SHISAL2A: variants seen among roughly 807,000 people sequenced by gnomAD.
SHISAL2A encodes shisa like 2A, also known as protein shisa-like-2A.
In SHISAL2A, 18 loss-of-function variants were observed where a neutral mutation model predicts 11.5. The ratio of observed to expected loss-of-function variants is 1.57; its 90% CI spans 1.08 to 2.33. SHISAL2A has a LOEUF of 2.33. Among genes scored for constraint, SHISAL2A ranks in the 30% most tolerant of loss-of-function variants. SHISAL2A has a pLI of 0.00. For missense variants in SHISAL2A, 261 were observed against 250.9 expected (o/e 1.04, Z -0.27); for synonymous variants, 94 against 99.6 (o/e 0.94, Z 0.34).
intron 4 of SHISAL2A, among the ~76,000 whole-genome samples, chr1:52,665,573 A>G (rs1174308282): frequency 6.6e-6 from 1 of 152,184 alleles, no homozygotes; most frequent in Non-Finnish European, 1.5e-5. Context: ...CATATTCATT[A>G]CACATTTTTC....
At chr1:52,651,381 C>T (rs929239588) in intron 2 of SHISAL2A, among the ~76,000 whole-genome samples, 6 of 151,484 alleles carry the variant, frequency 4.0e-5, no homozygotes, top group Non-Finnish European at 7.4e-5. Flanking sequence ...GGATTACAGG[C>T]CCCTGCCATC....
Position 52,642,871 on chromosome 1 carries a change from C to T in SHISAL2A, c.191C>T (p.Ala64Val). ...TGGTCTTCTCTTCCCAGCATTGGCG[C>T]TCTCATAGGCCTGTCCGTAGCAGCA... ...HSYMWWLSIG[A>V]LIGLSVAAVV... Residue 64 changes from alanine (A) to valine (V), a missense_variant, in exon 2 of 3, where the codon GCT becomes GTT. Coordinates refer to ENST00000517870, the MANE Select transcript of SHISAL2A (RefSeq NM_001042693.3). 1 of 1,609,376 alleles carries T rather than the reference C, an allele frequency of 6.2e-7. No individual in the cohort carries two copies. Among genetic ancestry groups the T allele is most frequent in the South Asian group, 1.1e-5 (1 of 90,896 alleles).
chr1:52,648,552 C>A (rs11578602), intron 2 of SHISAL2A, among the ~76,000 whole-genome samples: 11,911 of 152,152 alleles, frequency 0.078, 579 homozygotes, highest in Non-Finnish European at 0.11. Context: ...AAGGGGCATC[C>A]CTACAATGTG....
intron 2 of SHISAL2A, among the ~76,000 whole-genome samples, chr1:52,644,330 C>T (rs17374258): frequency 0.16 from 24,638 of 152,134 alleles, 2,035 homozygotes; most frequent in African/African-American, 0.18. Flanking sequence ...GTGTGTGGAC[C>T]GGACTGAGTG....
chr1:52,652,011 G>A (rs1052284525), intron 2 of SHISAL2A, among the ~76,000 whole-genome samples: 1 of 152,212 alleles, frequency 6.6e-6, no homozygotes, highest in Non-Finnish European at 1.5e-5. Context: ...TGTAACTCCT[G>A]GAAGCCCAAG....
intron 2 of SHISAL2A, among the ~76,000 whole-genome samples, chr1:52,643,889 AG>A (rs1691431361): frequency 1.4e-5 from 2 of 138,970 alleles, no homozygotes; most frequent in African/African-American, 5.1e-5. Context: ...AGAGAGAGAG[AG>A]AGAGGGAGGG....
chr1:52,664,516 C>T (rs935778310), intron 4 of SHISAL2A, among the ~76,000 whole-genome samples: 52 of 149,866 alleles, frequency 3.5e-4, no homozygotes, highest in African/African-American at 1.1e-3. Context: ...CCACCATGCC[C>T]GGCTAATTTT....
intron 1 of SHISAL2A, among the ~76,000 whole-genome samples, chr1:52,638,361 A>G (rs971875742): frequency 1.4e-5 from 2 of 144,558 alleles, no homozygotes; most frequent in African/African-American, 5.5e-5. Context: ...GCAAAGCACA[A>G]TTCTCCTAGA....
rs201777412 is a variant in SHISAL2A, at chr1:52,656,918, G to C, written c.451G>C (p.Ala151Pro). 29 of 1,614,058 alleles carry C rather than the reference G, an allele frequency of 1.8e-5. No homozygotes were observed. Among genetic ancestry groups the C allele is most frequent in the Non-Finnish European group, 2.2e-5 (26 of 1,180,030 alleles). The change falls in exon 3 of 3, where the codon GCT (alanine) becomes CCT (proline). Residue 151 changes from alanine (A) to proline (P), a missense_variant. Transcript: ENST00000517870. ...NPQLESNEGQAVNSKRLLHHC... is the reference protein window; with the variant it reads ...NPQLESNEGQPVNSKRLLHHC... ...GCAGCTGGAGAGCAATGAGGGGCAG[G>C]CTGTGAACTCCAAACGCCTCCTCCA...
downstream of SHISAL2A, among the ~76,000 whole-genome samples, chr1:52,657,354 A>T (rs1691812931): frequency 6.6e-6 from 1 of 152,172 alleles, no homozygotes; most frequent in African/African-American, 2.4e-5. Context: ...CCTGCCCCAC[A>T]GTAGGTGTAT....
In SHISAL2A at chr1:52,642,878, A is replaced by G. The variant is rs1265455130; in HGVS notation, c.198A>G (p.Ile66Met). 6.2e-7 allele frequency: 1 copy of G among 1,613,356 alleles called. No homozygotes were observed. The highest frequency in any genetic ancestry group is 8.5e-7 in the Non-Finnish European group (1 of 1,180,006). The change falls in exon 2 of 3, where the codon ATA becomes ATG. Residue 66 changes from isoleucine (I) to methionine (M), a missense_variant. Physicochemically the swap from Ile to Met is conservative, Grantham distance 10 (BLOSUM62 1). Coordinates refer to ENST00000517870, the MANE Select transcript of SHISAL2A (RefSeq NM_001042693.3). ...YMWWLSIGALIGLSVAAVVLL... is the reference protein window; with the variant it reads ...YMWWLSIGALMGLSVAAVVLL... ...CTCTTCCCAGCATTGGCGCTCTCAT[A>G]GGCCTGTCCGTAGCAGCAGTGGTTC...
chr1:52,654,272 G>A (rs1402452823), intron 2 of SHISAL2A, among the ~76,000 whole-genome samples: 2 of 151,808 alleles, frequency 1.3e-5, no homozygotes, highest in Admixed American at 6.6e-5. Flanking sequence ...CAGATAGATA[G>A]ATAGATAGAT....
intron 4 of SHISAL2A, among the ~76,000 whole-genome samples, chr1:52,663,757 G>A (rs748416643): frequency 2.9e-4 from 44 of 151,950 alleles, no homozygotes; most frequent in Non-Finnish European, 5.7e-4. Context: ...GCGAAACTGC[G>A]TCTAAAAAAA....
At position 52,669,574 on chromosome 1, in the gene SHISAL2A, G is replaced by A. The variant is rs1186524150; in HGVS notation, n.1883G>A. ...CTAGCTACTTGAGAGGCTGAGACACGAGAATCACTTGAACCTGGGAGGTGG... is the reference window on the plus strand; with the variant it reads ...CTAGCTACTTGAGAGGCTGAGACACAAGAATCACTTGAACCTGGGAGGTGG... On this transcript the variant is annotated non_coding_transcript_exon_variant, in exon 6 of 6. Transcript: ENST00000401050. The A allele has an allele frequency of 2.7e-5, 4 of 150,930 alleles. No homozygotes were observed. The East Asian group carries it at 5.9e-4, about 22-fold the overall frequency. The allele number at this position is 150,930 out of a possible 1,614,324, so 9.3% of individuals were successfully genotyped here. A position where few individuals can be genotyped will look rare whatever the true frequency, so the allele number is the denominator to read the frequency against.
downstream of SHISAL2A, among the ~76,000 whole-genome samples, chr1:52,660,697 T>C (rs1463572523): frequency 6.6e-6 from 1 of 152,124 alleles, no homozygotes; most frequent in Non-Finnish European, 1.5e-5. Context: ...GAATGTTGAA[T>C]CTTGGAACTT....
At chr1:52,648,075 C>CAT (rs34263327) in intron 2 of SHISAL2A, among the ~76,000 whole-genome samples, 125,672 of 146,936 alleles carry the variant, frequency 0.86, 53,883 homozygotes, top group African/African-American at 0.91. Context: ...ATTAATATAT[C>CAT]ATATAATTAT....
At chr1:52,658,051 T>G (rs1691834056), downstream of SHISAL2A, among the ~76,000 whole-genome samples, 1 of 152,140 alleles carries the variant, frequency 6.6e-6, no homozygotes, top group South Asian at 2.1e-4. Context: ...AGACTTTTTT[T>G]TTTTTTGAGA....
At chr1:52,650,606 G>A (rs1271171388) in intron 2 of SHISAL2A, among the ~76,000 whole-genome samples, 7 of 149,912 alleles carry the variant, frequency 4.7e-5, no homozygotes, top group Non-Finnish European at 8.9e-5. Flanking sequence ...TTACATGTTG[G>A]CAATCTCAAA....
downstream of SHISAL2A, among the ~76,000 whole-genome samples, chr1:52,658,801 C>T (rs938330477): frequency 3.9e-5 from 6 of 152,150 alleles, no homozygotes; most frequent in African/African-American, 1.4e-4. Context: ...ACTGTGGAGA[C>T]GCAGCTCAGC....
Sources: gnomAD v4.1 joint callset for allele counts (sites outside exome capture counted in the v4.1 genomes callset) on GRCh38, gnomAD v4.1.1 for gene constraint, MANE v1.5 for transcripts, NCBI Gene and HGNC (gene_info 2026-07-23, HGNC 2026-07-21) for gene names.